Variants in CDH8 observed in about 807,000 individuals in gnomAD.
The protein encoded by CDH8 is cadherin 8.
CDH8 carries 17 observed loss-of-function variants against 68.1 expected under a neutral mutation model. The observed-to-expected ratio is 0.25, with a 90% CI of 0.17 to 0.37. The LOEUF (loss-of-function observed/expected upper bound fraction) is 0.37, where lower values mean the gene tolerates loss of function less well. CDH8 is among the 10% of genes least tolerant of loss of function. CDH8 has a pLI of 1.00. For synonymous variants in CDH8, 372 were observed against 365.1 expected, an observed-to-expected ratio of 1.02 and a Z score of -0.21; for missense variants, 763 against 999.3, an observed-to-expected ratio of 0.76 and a Z score of 3.19.
intron 8 of CDH8, among the ~76,000 whole-genome samples, chr16:61,730,906 A>C (rs1173081059): frequency 6.6e-6 from 1 of 151,584 alleles, no homozygotes; most frequent in African/African-American, 2.4e-5. Context: ...ATTACATGAT[A>C]GCCTGAGGAA....
At chr16:61,902,407 C>A (rs893195137) in intron 2 of CDH8, among the ~76,000 whole-genome samples, 1 of 151,966 alleles carries the variant, frequency 6.6e-6, no homozygotes, top group Non-Finnish European at 1.5e-5. Context: ...CGGTGTCTCT[C>A]CTGTTTTAAA....
chr16:61,987,118 T>C (rs16964136), intron 2 of CDH8, among the ~76,000 whole-genome samples: 5,475 of 152,296 alleles, frequency 0.036, 237 homozygotes, highest in African/African-American at 0.1. Context: ...TAATTCATAA[T>C]AAAAAGTTTA....
chr16:61,809,972 G>T lies in CDH8; in HGVS notation c.1277+7507C>A, dbSNP rs578048427. Among the ~76,000 whole-genome samples, 3 of 152,294 alleles carry T rather than the reference G, an allele frequency of 2.0e-5. No homozygotes were observed. The East Asian group carries it at 5.8e-4, about 29-fold the overall frequency. ...TAGGGATTTGCTGCCCTTGGAGAAA[G>T]ACTGTGTATCTATTTTTCAAATTTA... On this transcript the variant is annotated intron_variant, in intron 7 of 11. Transcript: ENST00000577390.
chr16:61,820,138 T>C (rs1962175124), intron 6 of CDH8, among the ~76,000 whole-genome samples: 1 of 151,954 alleles, frequency 6.6e-6, no homozygotes, highest in South Asian at 2.1e-4. Flanking sequence ...TATGGAGATC[T>C]TTCTTTTTTC....
At chr16:61,665,530 T>C (rs1461262397) in intron 10 of CDH8, among the ~76,000 whole-genome samples, 2 of 150,572 alleles carry the variant, frequency 1.3e-5, no homozygotes, top group Non-Finnish European at 3.0e-5. Flanking sequence ...GGAGAGAGAG[T>C]GTTAGGACAA....
rs551562813 is a variant in CDH8 at position 61,801,104 on chromosome 16, C to T, written c.1278-11622G>A. Among the ~76,000 whole-genome samples the T allele has an allele frequency of 1.1e-4, 16 of 151,386 alleles. No individual in the cohort carries two copies. In the East Asian group the frequency reaches 2.9e-3, roughly 27 times the overall value. Reference sequence around the variant, plus strand: ...TAGAGAATACAGAAGCTTCACCAATCAGAAAAAAAAAAGCTGATTTTAAAC... The same window carrying T: ...TAGAGAATACAGAAGCTTCACCAATTAGAAAAAAAAAAGCTGATTTTAAAC... On this transcript the variant is annotated intron_variant, in intron 7 of 11. Coordinates refer to ENST00000577390, the MANE Select transcript of CDH8 (RefSeq NM_001796.5).
At chr16:61,727,283 T>C in intron 8 of CDH8, 68 bp from the exon 9 acceptor site, 1 of 1,481,094 alleles carries the variant, frequency 6.8e-7, no homozygotes. Context: ...CAACTTTCTC[T>C]TGAAAGCATG....
chr16:61,915,516 T>C (rs1964224941), intron 2 of CDH8, among the ~76,000 whole-genome samples: 2 of 152,272 alleles, frequency 1.3e-5, no homozygotes, highest in African/African-American at 4.8e-5. Flanking sequence ...TGTTTCATTG[T>C]TTCAACATTA....
At chr16:61,962,741 C>G (rs1187293925) in intron 2 of CDH8, among the ~76,000 whole-genome samples, 2 of 152,216 alleles carry the variant, frequency 1.3e-5, no homozygotes, top group East Asian at 1.9e-4. Flanking sequence ...ATAAAATAAG[C>G]CTTTCTTCAC....
At chr16:61,770,077 T>C (rs1232451013) in intron 8 of CDH8, among the ~76,000 whole-genome samples, 12 of 151,838 alleles carry the variant, frequency 7.9e-5, no homozygotes, top group African/African-American at 2.7e-4. Flanking sequence ...ATTACATCTA[T>C]GGGCTTTTCC....
chr16:62,006,096 T>TGATCA (rs1965969949), intron 2 of CDH8, among the ~76,000 whole-genome samples: 1 of 152,208 alleles, frequency 6.6e-6, no homozygotes, highest in Non-Finnish European at 1.5e-5. Context: ...TGAGGCAATA[T>TGATCA]GATCACTAGA....
At chr16:61,921,792 G>A (rs990429941) in intron 2 of CDH8, among the ~76,000 whole-genome samples, 1 of 152,212 alleles carries the variant, frequency 6.6e-6, no homozygotes, top group Non-Finnish European at 1.5e-5. Context: ...AGCACTTTGG[G>A]AGGCTGAGGC....
chr16:61,739,732 A>C (rs562967279), intron 8 of CDH8, among the ~76,000 whole-genome samples: 199 of 140,032 alleles, frequency 1.4e-3, no homozygotes, highest in Admixed American at 2.8e-3. Flanking sequence ...TGCCTCAAAA[A>C]AAAAAAGAAA....
intron 10 of CDH8, among the ~76,000 whole-genome samples, chr16:61,700,834 T>A (rs1286523640): frequency 6.6e-6 from 1 of 152,092 alleles, no homozygotes; most frequent in East Asian, 1.9e-4. Context: ...CACCATAGGG[T>A]GGCCATAATA....
chr16:61,676,887 G>A (rs181066760), intron 10 of CDH8, among the ~76,000 whole-genome samples: 2 of 152,152 alleles, frequency 1.3e-5, no homozygotes, highest in East Asian at 3.9e-4. Flanking sequence ...TGCAAAGAGA[G>A]ATAAGAAAAC....
intron 2 of CDH8, among the ~76,000 whole-genome samples, chr16:61,934,808 C>A (rs1380458684): frequency 6.6e-6 from 1 of 152,194 alleles, no homozygotes; most frequent in South Asian, 2.1e-4. Flanking sequence ...GCACTAAAAT[C>A]GCCAGAGAAT....
chr16:61,910,756 G>A (rs1014994412), intron 2 of CDH8, among the ~76,000 whole-genome samples: 1 of 152,122 alleles, frequency 6.6e-6, no homozygotes, highest in Non-Finnish European at 1.5e-5. Flanking sequence ...ATATAATGAT[G>A]AGTCTGCCCA....
chr16:61,654,180 G>A (rs1030020028), intron 11 of CDH8, 79 bp from the exon 12 acceptor site: 2 of 1,350,984 alleles, frequency 1.5e-6, no homozygotes, highest in Non-Finnish European at 2.0e-6. Context: ...TGTTAGGAGA[G>A]AGGGGTATTT....
In CDH8 at chr16:61,836,475, A is replaced by G. The variant is rs545833325; in HGVS notation, c.668-11296T>C. On this transcript the variant is annotated intron_variant, in intron 4 of 11. Coordinates refer to ENST00000577390, the MANE Select transcript of CDH8 (RefSeq NM_001796.5). ...AGCTGATCAACACTGTGATGACAAC[A>G]TCAATAACTACTACCACTACAACCC... Among the ~76,000 whole-genome samples, 4 of 152,186 alleles carry G rather than the reference A, an allele frequency of 2.6e-5. No individual in the cohort carries two copies. In the East Asian group the frequency reaches 7.7e-4, roughly 29 times the overall value.
Sources: allele counts gnomAD v4.1 joint callset (sites outside exome capture counted in the v4.1 genomes callset), GRCh38; gene constraint gnomAD v4.1.1; transcripts MANE v1.5; gene names NCBI Gene and HGNC (gene_info 2026-07-23, HGNC 2026-07-21).